The following DTNB variants were observed in gnomAD, a reference collection of about 807,000 sequenced individuals.
DTNB encodes DTN-B.
Under a neutral mutation model 90.7 loss-of-function variants are expected in DTNB, and 63 were observed. The ratio of observed to expected loss-of-function variants is 0.69; its 90% CI spans 0.57 to 0.86. DTNB has a LOEUF of 0.86. DTNB is among the 40% of genes least tolerant of loss of function. The pLI, the probability that DTNB is intolerant of heterozygous loss-of-function variation, is 0.00. For synonymous variants in DTNB, 277 were observed against 286.7 expected (o/e 0.97, Z 0.34); for missense variants, 744 against 807.1 (o/e 0.92, Z 0.95).
At chr2:25,651,228 C>T (rs1406506164) in intron 2 of DTNB, among the ~76,000 whole-genome samples, 2 of 152,198 alleles carry the variant, frequency 1.3e-5, no homozygotes, top group African/African-American at 4.8e-5. Flanking sequence ...ATTTAATCTT[C>T]ACAACAATTC....
At chr2:25,467,576 T>TTAGAG (rs2062032552) in intron 10 of DTNB, among the ~76,000 whole-genome samples, 1 of 152,124 alleles carries the variant, frequency 6.6e-6, no homozygotes, top group African/African-American at 2.4e-5. Flanking sequence ...AGTGCTGGGA[T>TTAGAG]TAGAGGTGTG....
intron 5 of DTNB, among the ~76,000 whole-genome samples, chr2:25,606,431 G>A (rs1418409089): frequency 6.6e-6 from 1 of 152,136 alleles, no homozygotes; most frequent in Non-Finnish European, 1.5e-5. Context: ...GCTCAGAACA[G>A]GGCTCTGACA....
In DTNB at chr2:25,632,179, C is replaced by T. The variant is rs374344774; in HGVS notation, c.149-3795G>A. Among the ~76,000 whole-genome samples the T allele has an allele frequency of 3.4e-4, 40 of 118,374 alleles. No individual in the cohort carries two copies. In the South Asian group the frequency reaches 0.011, roughly 32 times the overall value. The allele number at this position is 118,374 out of a possible 152,430, so 77.7% of individuals were successfully genotyped here. Reference sequence around the variant, plus strand: ...CTGCACTCCAGCCTGGGCCACAGAACGTGACTCTGTCTCAAAAAAAAAAAA... The same window carrying T: ...CTGCACTCCAGCCTGGGCCACAGAATGTGACTCTGTCTCAAAAAAAAAAAA... On this transcript the variant is annotated intron_variant, in intron 3 of 20. Transcript: ENST00000406818.
intron 4 of DTNB, among the ~76,000 whole-genome samples, chr2:25,617,292 G>C (rs763032143): frequency 6.6e-6 from 1 of 152,216 alleles, no homozygotes; most frequent in Non-Finnish European, 1.5e-5. Context: ...AGAGGAATCT[G>C]AGATTAAGGA....
intron 10 of DTNB, among the ~76,000 whole-genome samples, chr2:25,470,150 A>G (rs1192911100): frequency 6.6e-6 from 1 of 152,154 alleles, no homozygotes; most frequent in Non-Finnish European, 1.5e-5. Flanking sequence ...CTGACTCTGG[A>G]AAGTCCTGAA....
intron 1 of DTNB, among the ~76,000 whole-genome samples, chr2:25,654,823 C>T (rs1051009628): frequency 3.3e-5 from 5 of 152,174 alleles, no homozygotes; most frequent in African/African-American, 1.2e-4. Context: ...TTCTGAATCT[C>T]GGATTCATCA....
intron 3 of DTNB, among the ~76,000 whole-genome samples, chr2:25,632,351 AT>A (rs2075963357): frequency 1.3e-5 from 2 of 152,180 alleles, no homozygotes; most frequent in African/African-American, 2.4e-5. Context: ...AGGAAACCTT[AT>A]TTTTAGAAAT....
chr2:25,384,121 C>T (rs188040532), intron 18 of DTNB, among the ~76,000 whole-genome samples: 6 of 152,356 alleles, frequency 3.9e-5, no homozygotes, highest in Admixed American at 6.5e-5. Context: ...GCGGTCACAT[C>T]GCTCACTTTC....
At chr2:25,442,628 C>T (rs1347732216) in intron 12 of DTNB, among the ~76,000 whole-genome samples, 2 of 152,314 alleles carry the variant, frequency 1.3e-5, no homozygotes, top group East Asian at 3.9e-4. Flanking sequence ...ATTTACTTAG[C>T]ACCAAATACC....
chr2:25,649,264 G>A (rs916496241), intron 2 of DTNB, among the ~76,000 whole-genome samples: 11 of 151,950 alleles, frequency 7.2e-5, no homozygotes, highest in African/African-American at 1.2e-4. Flanking sequence ...CTTGGCCTCC[G>A]AAAGTGCTGG....
At chr2:25,546,447 G>A (rs1292539705) in intron 8 of DTNB, among the ~76,000 whole-genome samples, 1 of 152,100 alleles carries the variant, frequency 6.6e-6, no homozygotes, top group Non-Finnish European at 1.5e-5. Context: ...TACCTTCTCT[G>A]GGCCACTGGA....
chr2:25,448,864 A>G (rs2058827819), intron 12 of DTNB, among the ~76,000 whole-genome samples: 1 of 151,978 alleles, frequency 6.6e-6, no homozygotes. Flanking sequence ...TCAAAAAAAA[A>G]AAAAAAAAAA....
intron 9 of DTNB, among the ~76,000 whole-genome samples, chr2:25,502,389 A>C (rs1379834438): frequency 6.6e-6 from 1 of 152,156 alleles, no homozygotes; most frequent in African/African-American, 2.4e-5. Context: ...CCATCATTTA[A>C]GACTAAGTGG....
intron 1 of DTNB, among the ~76,000 whole-genome samples, chr2:25,669,457 A>C (rs929259470): frequency 5.9e-5 from 9 of 152,184 alleles, no homozygotes; most frequent in African/African-American, 2.2e-4. Flanking sequence ...AGAGACAGAA[A>C]ATTTTCTTAA....
At chr2:25,551,241 T>C (rs2083589869) in intron 8 of DTNB, among the ~76,000 whole-genome samples, 1 of 152,232 alleles carries the variant, frequency 6.6e-6, no homozygotes, top group South Asian at 2.1e-4. Context: ...TTTCTGCTTG[T>C]TTTAATGCGC....
At chr2:25,402,638 C>T (rs2149659903) in intron 16 of DTNB, among the ~76,000 whole-genome samples, 1 of 152,276 alleles carries the variant, frequency 6.6e-6, no homozygotes, top group African/African-American at 2.4e-5. Context: ...TGGGGTCTCT[C>T]TGCAGAGGGG....
intron 10 of DTNB, among the ~76,000 whole-genome samples, chr2:25,479,831 GT>G (rs2150366177): frequency 6.6e-6 from 1 of 152,312 alleles, no homozygotes; most frequent in South Asian, 2.1e-4. Context: ...GTCTCATTCA[GT>G]GATTGACGTC....
chr2:25,580,546 C>T (rs539625215), intron 7 of DTNB, among the ~76,000 whole-genome samples, 175 bp downstream of exon 7: 97 of 151,722 alleles, frequency 6.4e-4, no homozygotes, highest in Middle Eastern at 3.4e-3. Context: ...TAATAAGTAC[C>T]CTCCCTTTTT....
intron 1 of DTNB, 40 bp from the exon 2 acceptor site, chr2:25,652,701 C>T (rs185246032): frequency 2.2e-5 from 35 of 1,589,124 alleles, no homozygotes; most frequent in African/African-American, 2.7e-5. Context: ...CTGTATAATT[C>T]GACAATTCAA....
Sources: gnomAD v4.1 joint callset for allele counts (sites outside exome capture counted in the v4.1 genomes callset) on GRCh38, gnomAD v4.1.1 for gene constraint, MANE v1.5 for transcripts, NCBI Gene and HGNC (gene_info 2026-07-23, HGNC 2026-07-21) for gene names.